The following ZNF804B variants were observed in gnomAD, a reference collection of about 807,000 sequenced individuals.
ZNF804B encodes zinc finger protein 804B, also known as zinc finger 804B.
A neutral mutation model predicts 101.4 loss-of-function variants in ZNF804B; 80 were observed. The observed-to-expected ratio is 0.79, with a 90% confidence interval of 0.66 to 0.95. The LOEUF (loss-of-function observed/expected upper bound fraction) is 0.95, where lower values mean the gene tolerates loss of function less well. Among genes scored for constraint, ZNF804B ranks in the 40% least tolerant of loss-of-function variants. ZNF804B has a pLI of 0.00. For synonymous variants in ZNF804B, 622 were observed against 558.8 expected, an observed-to-expected ratio of 1.11 and a Z score of -1.59; for missense variants, 1,673 against 1,561.9, an observed-to-expected ratio of 1.07 and a Z score of -1.20.
intron 1 of ZNF804B, among the ~76,000 whole-genome samples, chr7:89,178,321 G>GT (rs60277768): frequency 0.2 from 30,233 of 150,476 alleles, 3,284 homozygotes; most frequent in Non-Finnish European, 0.22. Context: ...TTTTCTGGTG[G>GT]TTTTGTGGTT....
intron 1 of ZNF804B, among the ~76,000 whole-genome samples, chr7:88,951,158 A>G (rs1460822150): frequency 1.3e-5 from 2 of 151,886 alleles, no homozygotes; most frequent in Non-Finnish European, 2.9e-5. Context: ...AGTGGGTCTG[A>G]ATTGTCTAGG....
intron 1 of ZNF804B, among the ~76,000 whole-genome samples, chr7:88,900,221 TGTTA>T (rs1351810982): frequency 2.0e-5 from 3 of 152,072 alleles, no homozygotes; most frequent in Non-Finnish European, 2.9e-5. Flanking sequence ...TGAACAAAGA[TGTTA>T]GTTCAGTGCA....
chr7:89,148,208 T>C (rs1790818232), intron 1 of ZNF804B, among the ~76,000 whole-genome samples: 1 of 152,100 alleles, frequency 6.6e-6, no homozygotes. Context: ...GTATATAATA[T>C]CTATATCTTA....
At chr7:89,316,651 T>A (rs187157232) in intron 2 of ZNF804B, among the ~76,000 whole-genome samples, 2 of 152,154 alleles carry the variant, frequency 1.3e-5, no homozygotes, top group Admixed American at 1.3e-4. Flanking sequence ...AAAACCTAAA[T>A]TTTGTAAAGA....
chr7:88,760,144 G>T (rs1789872324), intron 1 of ZNF804B, 60 bp downstream of exon 1: 7 of 1,342,634 alleles, frequency 5.2e-6, no homozygotes, highest in African/African-American at 2.9e-5. Context: ...CAAACAAAAA[G>T]ATATTGAGAG....
chr7:89,126,051 G>A lies in ZNF804B; in HGVS notation c.109-92104G>A, dbSNP rs553636631. On this transcript the variant is annotated intron_variant, in intron 1 of 3. Coordinates refer to ENST00000333190, the MANE Select transcript of ZNF804B (RefSeq NM_181646.5). ...AATCAATATCTTCAGATTGTCCATG[G>A]CAATTCAACTGATTTGAGTTTCTGG... Among the ~76,000 whole-genome samples the A allele has an allele frequency of 6.6e-5, 10 of 151,918 alleles. No individual in the cohort carries two copies. In the East Asian group the frequency reaches 1.9e-3, roughly 30 times the overall value.
chr7:89,008,997 C>T (rs1471077591), intron 1 of ZNF804B, among the ~76,000 whole-genome samples: 5 of 152,112 alleles, frequency 3.3e-5, no homozygotes, highest in Non-Finnish European at 5.9e-5. Flanking sequence ...ATATACCTGC[C>T]AGACTCCTGG....
intron 1 of ZNF804B, among the ~76,000 whole-genome samples, chr7:88,921,274 G>T (rs1033071076): frequency 6.6e-6 from 1 of 151,942 alleles, no homozygotes; most frequent in African/African-American, 2.4e-5. Flanking sequence ...GGATGGTGAA[G>T]TATCAAGTTT....
At chr7:89,184,057 G>C (rs1325987633) in intron 1 of ZNF804B, among the ~76,000 whole-genome samples, 1 of 152,110 alleles carries the variant, frequency 6.6e-6, no homozygotes, top group Non-Finnish European at 1.5e-5. Context: ...ACATATGGAG[G>C]CCGGCTCCAA....
intron 1 of ZNF804B, among the ~76,000 whole-genome samples, chr7:88,878,422 A>G (rs963662077): frequency 6.6e-6 from 1 of 152,094 alleles, no homozygotes; most frequent in Non-Finnish European, 1.5e-5. Flanking sequence ...TAACAACTCA[A>G]TTTTAATTTT....
intron 1 of ZNF804B, among the ~76,000 whole-genome samples, chr7:89,207,365 G>A (rs1358074792): frequency 6.6e-6 from 1 of 152,156 alleles, no homozygotes; most frequent in Non-Finnish European, 1.5e-5. Flanking sequence ...CATCTCACAT[G>A]CCTGCAGGCA....
At chr7:89,153,429 G>GATGATAATA (rs1468701346) in intron 1 of ZNF804B, among the ~76,000 whole-genome samples, 38 of 145,536 alleles carry the variant, frequency 2.6e-4, no homozygotes, top group South Asian at 6.5e-4. Flanking sequence ...TGATGATGAT[G>GATGATAATA]ATAATAATAA....
chr7:88,888,771 C>T (rs529632075), intron 1 of ZNF804B, among the ~76,000 whole-genome samples: 124 of 151,594 alleles, frequency 8.2e-4, no homozygotes, highest in Non-Finnish European at 1.5e-3. Context: ...TTTTGTTTTT[C>T]GTTTTGTTTT....
intron 1 of ZNF804B, among the ~76,000 whole-genome samples, chr7:89,086,304 A>G (rs1789800471): frequency 6.6e-6 from 1 of 151,996 alleles, no homozygotes; most frequent in Non-Finnish European, 1.5e-5. Flanking sequence ...CAGAAATGTA[A>G]TGTTAAGTCA....
In ZNF804B at chr7:89,215,586, A is replaced by G. The variant is rs190907123; in HGVS notation, c.109-2569A>G. Among the ~76,000 whole-genome samples the G allele has an allele frequency of 1.2e-3, 178 of 152,184 alleles. 1 individual carries two copies. The highest frequency in any genetic ancestry group is 0.01 in the Middle Eastern group (3 of 294). ...CTAAGGCTGCTGTCATAAGGAAGAAAGAAGAACTATGATTAGGCCGGGGGC... is the reference window on the plus strand; with the variant it reads ...CTAAGGCTGCTGTCATAAGGAAGAAGGAAGAACTATGATTAGGCCGGGGGC... On this transcript the variant is annotated intron_variant, in intron 1 of 3. Coordinates refer to ENST00000333190, the MANE Select transcript of ZNF804B (RefSeq NM_181646.5).
intron 1 of ZNF804B, among the ~76,000 whole-genome samples, chr7:89,111,082 AAAT>A (rs1392907059): frequency 6.6e-6 from 1 of 151,896 alleles, no homozygotes; most frequent in Non-Finnish European, 1.5e-5. Context: ...TGTCATTTTT[AAAT>A]AATATTCTGT....
intron 1 of ZNF804B, among the ~76,000 whole-genome samples, chr7:88,855,966 C>G (rs943784617): frequency 1.8e-4 from 27 of 152,226 alleles, no homozygotes; most frequent in African/African-American, 6.3e-4. Flanking sequence ...TGATCTATAT[C>G]TCTGTTTTGG....
intron 1 of ZNF804B, among the ~76,000 whole-genome samples, chr7:88,927,095 C>T (rs971945576): frequency 6.6e-6 from 1 of 151,954 alleles, no homozygotes. Context: ...CCAAGTGTGC[C>T]TTGATTATGA....
intron 1 of ZNF804B, among the ~76,000 whole-genome samples, chr7:89,158,284 C>G (rs150200632): frequency 1.1e-4 from 17 of 152,252 alleles, no homozygotes; most frequent in African/African-American, 4.1e-4. Flanking sequence ...ATGCAAACAT[C>G]AGACTGCATT....
Sources: allele counts gnomAD v4.1 joint callset (sites outside exome capture counted in the v4.1 genomes callset), GRCh38; gene constraint gnomAD v4.1.1; transcripts MANE v1.5; gene names NCBI Gene and HGNC (gene_info 2026-07-23, HGNC 2026-07-21).